Variants in ANK3 observed in about 807,000 individuals in gnomAD.
The protein encoded by ANK3 is ankyrin-3.
Under a neutral mutation model 370.9 loss-of-function variants are expected in ANK3, and 57 were observed. The observed-to-expected ratio is 0.15, with a 90% CI of 0.12 to 0.19. The LOEUF (loss-of-function observed/expected upper bound fraction) is 0.19, where lower values mean the gene tolerates loss of function less well. ANK3 is among the 10% of genes least tolerant of loss of function. The pLI is 1.00. For missense variants in ANK3, 4,439 were observed against 5,302.1 expected, an observed-to-expected ratio of 0.84 and a Z score of 5.06; for synonymous variants, 1,929 against 1,946.3, an observed-to-expected ratio of 0.99 and a Z score of 0.23.
rs113185282 is a variant in ANK3, at chr10:60,211,692, G to A, written c.996+1720C>T. 8.9e-3 allele frequency among the ~76,000 whole-genome samples: 1,352 copies of A among 152,108 alleles called. 19 individuals are homozygous for A. Among genetic ancestry groups the A allele is most frequent in the African/African-American group, 0.031 (1,293 of 41,486 alleles). ...GAATGTATTCACACATGTGTGCACT[G>A]CAAAGGTTGGTGGATTTGTCTCTCA... On this transcript the variant is annotated intron_variant, in intron 9 of 43. Coordinates refer to ENST00000280772, the MANE Select transcript of ANK3 (RefSeq NM_020987.5).
chr10:60,141,606 C>T (rs1390141113), intron 23 of ANK3, among the ~76,000 whole-genome samples: 2 of 140,128 alleles, frequency 1.4e-5, no homozygotes, highest in African/African-American at 2.8e-5. Flanking sequence ...CAGCCCCCAC[C>T]GCCCCCGAGA....
At chr10:60,115,133 G>A (rs73261124) in intron 25 of ANK3, among the ~76,000 whole-genome samples, 6,152 of 152,132 alleles carry the variant, frequency 0.04, 390 homozygotes, top group African/African-American at 0.14. Flanking sequence ...GAGATTTTTG[G>A]CAGTAATGAG....
In ANK3 at chr10:60,553,760, A is replaced by G. The variant is rs115537577; in HGVS notation, c.96+61426T>C. Among the ~76,000 whole-genome samples, 349 of 152,342 alleles carry G rather than the reference A, an allele frequency of 2.3e-3. 3 individuals carry two copies. The highest frequency in any genetic ancestry group is 7.9e-3 in the African/African-American group (327 of 41,580). Reference sequence around the variant, plus strand: ...TTTTTTTGAAAACCAATAAAGGAAAAGAAGATAGGTATATATTAGATAAAC... The same window carrying G: ...TTTTTTTGAAAACCAATAAAGGAAAGGAAGATAGGTATATATTAGATAAAC... On this transcript the variant is annotated intron_variant, in intron 2 of 43. Coordinates refer to the ANK3 transcript ENST00000373827.
chr10:60,068,163 A>G (rs934543280), intron 37 of ANK3, among the ~76,000 whole-genome samples, 154 bp from the exon 38 acceptor site: 1 of 152,234 alleles, frequency 6.6e-6, no homozygotes, highest in African/African-American at 2.4e-5. Flanking sequence ...TTCTTTGCAC[A>G]TGGCTCACTT....
intron 7 of ANK3, among the ~76,000 whole-genome samples, chr10:60,258,962 A>G (rs1592620493): frequency 6.6e-6 from 1 of 152,196 alleles, no homozygotes; most frequent in Non-Finnish European, 1.5e-5. Context: ...TTTGCAGCCA[A>G]TTCTTAGCAA....
Position 60,591,739 on chromosome 10 carries a change from T to C in ANK3, c.96+23447A>G, listed in dbSNP as rs186043945. ...ACATATACACAATGGAGTACTATTCTGCCATAAAAAGAATGAGATCCAGTC... is the reference window on the plus strand; with the variant it reads ...ACATATACACAATGGAGTACTATTCCGCCATAAAAAGAATGAGATCCAGTC... On this transcript the variant is annotated intron_variant, in intron 2 of 43. Transcript: ENST00000373827. 6.6e-5 allele frequency among the ~76,000 whole-genome samples: 10 copies of C among 152,260 alleles called. No individual in the cohort carries two copies. The East Asian group carries it at 1.7e-3, about 26-fold the overall frequency.
intron 2 of ANK3, among the ~76,000 whole-genome samples, chr10:60,468,122 T>A (rs1216464632): frequency 6.6e-6 from 1 of 151,810 alleles, no homozygotes; most frequent in Non-Finnish European, 1.5e-5. Flanking sequence ...GTAGCTGGGA[T>A]TACAGGCATG....
At chr10:60,470,438 C>A (rs895842566) in intron 2 of ANK3, among the ~76,000 whole-genome samples, 1 of 144,580 alleles carries the variant, frequency 6.9e-6, no homozygotes. Flanking sequence ...AATATCAATG[C>A]GGTATTATGT....
chr10:60,452,330 G>T (rs2064628729), intron 2 of ANK3, among the ~76,000 whole-genome samples: 1 of 152,246 alleles, frequency 6.6e-6, no homozygotes, highest in African/African-American at 2.4e-5. Flanking sequence ...CAGCACGAGA[G>T]TTGCTTCTAT....
intron 18 of ANK3, among the ~76,000 whole-genome samples, chr10:60,178,887 T>A (rs1432252161): frequency 6.6e-6 from 1 of 150,384 alleles, no homozygotes; most frequent in Non-Finnish European, 1.5e-5. Context: ...CAATTTAGCT[T>A]AAACTCATTT....
intron 2 of ANK3, among the ~76,000 whole-genome samples, chr10:60,591,572 G>T (rs2077915068): frequency 6.6e-6 from 1 of 151,846 alleles, no homozygotes; most frequent in Non-Finnish European, 1.5e-5. Context: ...CCCATTGTTG[G>T]GTATATACCC....
intron 1 of ANK3, among the ~76,000 whole-genome samples, chr10:60,719,323 T>C (rs1408744499): frequency 6.6e-6 from 1 of 152,132 alleles, no homozygotes; most frequent in Non-Finnish European, 1.5e-5. Flanking sequence ...AATATTAATA[T>C]ATCCTTACAT....
At chr10:60,518,309 T>C (rs2076270066) in intron 2 of ANK3, among the ~76,000 whole-genome samples, 1 of 151,620 alleles carries the variant, frequency 6.6e-6, no homozygotes, top group South Asian at 2.1e-4. Context: ...TCCCGGCAGA[T>C]GAGATGCTCC....
chr10:60,350,777 T>C (rs1008738978), intron 1 of ANK3, among the ~76,000 whole-genome samples: 1 of 152,086 alleles, frequency 6.6e-6, no homozygotes. Flanking sequence ...CCAGGAAAGG[T>C]GAGCTGGGTT....
At chr10:60,428,182 T>A (rs1341245775) in intron 2 of ANK3, among the ~76,000 whole-genome samples, 1 of 152,166 alleles carries the variant, frequency 6.6e-6, no homozygotes, top group Non-Finnish European at 1.5e-5. Context: ...CTCAAAGACC[T>A]GTATGGGTCA....
chr10:60,624,471 T>C (rs2078381011), intron 1 of ANK3, among the ~76,000 whole-genome samples: 1 of 152,162 alleles, frequency 6.6e-6, no homozygotes, highest in Non-Finnish European at 1.5e-5. Flanking sequence ...TAGACCCTGA[T>C]CTGTGTTCCC....
chr10:60,088,581 A>G (rs115287886), intron 28 of ANK3, among the ~76,000 whole-genome samples: 4,328 of 152,106 alleles, frequency 0.028, 208 homozygotes, highest in African/African-American at 0.099. Flanking sequence ...ATGCACCTCC[A>G]TGCCCAGCTA....
Position 60,198,411 on chromosome 10 carries a change from C to A in ANK3, c.1618G>T (p.Ala540Ser). 6.2e-7 allele frequency: 1 copy of A among 1,614,160 alleles called. No individual in the cohort carries two copies. Among genetic ancestry groups the A allele is most frequent in the South Asian group, 1.1e-5 (1 of 91,080 alleles). Residue 540 changes from alanine (A) to serine (S), a missense_variant, in exon 14 of 44, where the codon GCC becomes TCC. Transcript: ENST00000280772. Reference protein sequence around the residue: ...TSGYTPLHLSAREGHEDVAAF... With the variant: ...TSGYTPLHLSSREGHEDVAAF... ...GCCACATCCTCATGCCCCTCTCGGG[C>A]GGAAAGGTGAAGTGGGGTGTACCCA...
chr10:60,532,074 A>AC (rs2076617788), intron 2 of ANK3, among the ~76,000 whole-genome samples: 3 of 152,142 alleles, frequency 2.0e-5, no homozygotes, highest in African/African-American at 7.2e-5. Flanking sequence ...CACAGGAATG[A>AC]ATATTGTTTA....
Sources: gnomAD v4.1 joint callset for allele counts (sites outside exome capture counted in the v4.1 genomes callset) on GRCh38, gnomAD v4.1.1 for gene constraint, MANE v1.5 for transcripts, NCBI Gene and HGNC (gene_info 2026-07-23, HGNC 2026-07-21) for gene names.